The following ZNF282 variants were observed in gnomAD, a reference collection of about 807,000 sequenced individuals.
ZNF282 encodes the protein HTLV-I U5 repressive element-binding protein 1.
Under a neutral mutation model 61.9 loss-of-function variants are expected in ZNF282, and 30 were observed. The ratio of observed to expected loss-of-function variants is 0.48; its 90% CI spans 0.36 to 0.66. The LOEUF (loss-of-function observed/expected upper bound fraction) is 0.66. Ranked by LOEUF, ZNF282 falls within the 30% of genes least tolerant of loss-of-function variation. The pLI is 0.00. For synonymous variants in ZNF282, 396 were observed against 405.0 expected, an observed-to-expected ratio of 0.98 and a Z score of 0.27; for missense variants, 788 against 941.4, an observed-to-expected ratio of 0.84 and a Z score of 2.13.
chr7:149,218,910 G>C (rs1796197548), intron 7 of ZNF282, among the ~76,000 whole-genome samples: 1 of 152,186 alleles, frequency 6.6e-6, no homozygotes, highest in Non-Finnish European at 1.5e-5. Context: ...TCCTAAGCCT[G>C]AAATTTCCAT....
At chr7:149,210,109 C>T (rs1123992) in intron 4 of ZNF282, among the ~76,000 whole-genome samples, 4 of 151,838 alleles carry the variant, frequency 2.6e-5, no homozygotes, top group Non-Finnish European at 4.4e-5. Flanking sequence ...TGCCCATCCC[C>T]GCTTCTCACA....
At position 149,206,464 on chromosome 7, in the gene ZNF282, G is replaced by A. The variant is rs150426376; in HGVS notation, c.586-232G>A. 1.0e-3 allele frequency among the ~76,000 whole-genome samples: 152 copies of A among 152,330 alleles called. 1 individual carries two copies. Among genetic ancestry groups the A allele is most frequent in the African/African-American group, 3.5e-3 (144 of 41,570 alleles). On this transcript the variant is annotated intron_variant, in intron 2 of 7. Transcript: ENST00000610704. Reference sequence around the variant, plus strand: ...ACCTAAAAGTGAAATAACAATGGATGTGGCTAAATGCTTTTTCTAAAAAGG... The same window carrying A: ...ACCTAAAAGTGAAATAACAATGGATATGGCTAAATGCTTTTTCTAAAAAGG...
In ZNF282 at chr7:149,224,093, G is replaced by A; in HGVS notation, c.1462G>A (p.Ala488Thr). Residue 488 changes from alanine (A) to threonine (T), a missense_variant, in exon 8 of 8, where the codon GCG (alanine) becomes ACG (threonine). By Grantham distance (58) the Ala-to-Thr change is moderately conservative. This residue lies in a region of ZNF282 where 559 missense variants were observed against 642.0 expected (regional missense o/e 0.87). Transcript: ENST00000610704. ...DGGGGGGGAE[A>T]GTGAGGGCGS... ...GGGCGGTGGGGGCGGCGGCGCGGAG[G>A]CGGGGACGGGGGCAGGCGGCGGCTG... 1 of 1,350,556 alleles carries A rather than the reference G, an allele frequency of 7.4e-7. No individual in the cohort carries two copies. Among genetic ancestry groups the A allele is most frequent in the East Asian group, 3.0e-5 (1 of 33,566 alleles). The allele number at this position is 1,350,556 out of a possible 1,614,324, so 83.7% of individuals were successfully genotyped here. A position where few individuals can be genotyped will look rare whatever the true frequency, so the allele number is the denominator to read the frequency against.
Position 149,212,440 on chromosome 7 carries a change from A to C in ZNF282, c.1035A>C (p.Ala345=). 1 of 1,613,086 alleles carries C rather than the reference A, an allele frequency of 6.2e-7. No homozygotes were observed. Residue 345 remains alanine (A), a synonymous_variant, in exon 6 of 8, where the codon GCA becomes GCC. Transcript: ENST00000610704. ...GCGTGTGGGATCAGCAGGATTTGGC[A>C]GACAGAGATATTCCCACGGATCCCA... ...HQCVWDQQDL[A]DRDIPTDPNS...
At position 149,200,876 on chromosome 7, in the gene ZNF282, C is replaced by T. The variant is rs181198150; in HGVS notation, c.585+2124C>T. ...CCTCCCAAAGTGCTGAGGTTACAGGCGTGAGCCACCACGCCCAGCTAGTCT... is the reference window on the plus strand; with the variant it reads ...CCTCCCAAAGTGCTGAGGTTACAGGTGTGAGCCACCACGCCCAGCTAGTCT... On this transcript the variant is annotated intron_variant, in intron 2 of 7. Transcript: ENST00000610704. Among the ~76,000 whole-genome samples the T allele has an allele frequency of 8.3e-3, 1,267 of 152,266 alleles. 11 individuals carry two copies. The highest frequency in any genetic ancestry group is 0.011 in the African/African-American group (463 of 41,556).
At chr7:149,221,643 A>G (rs983694668) in intron 7 of ZNF282, among the ~76,000 whole-genome samples, 1 of 151,848 alleles carries the variant, frequency 6.6e-6, no homozygotes, top group African/African-American at 2.4e-5. Flanking sequence ...AGCTGGGATG[A>G]CCCTTCCCAG....
intron 2 of ZNF282, among the ~76,000 whole-genome samples, chr7:149,200,383 C>T (rs932685531): frequency 3.9e-5 from 6 of 152,274 alleles, no homozygotes; most frequent in South Asian, 4.1e-4. Flanking sequence ...CCACTCTCTC[C>T]GTGAAACCCC....
intron 7 of ZNF282, 152 bp downstream of exon 7, chr7:149,213,966 C>T: frequency 1.7e-6 from 1 of 597,618 alleles, no homozygotes; most frequent in Non-Finnish European, 3.0e-6. Flanking sequence ...AAAGCACTCC[C>T]ATTCTTTTTG....
At chr7:149,205,969 G>A (rs1427983856) in intron 2 of ZNF282, among the ~76,000 whole-genome samples, 1 of 152,164 alleles carries the variant, frequency 6.6e-6, no homozygotes, top group African/African-American at 2.4e-5. Context: ...AACGATTTTG[G>A]ACAATTCGGT....
intron 4 of ZNF282, among the ~76,000 whole-genome samples, chr7:149,208,149 G>A (rs1394400472): frequency 6.6e-6 from 1 of 152,182 alleles, no homozygotes; most frequent in East Asian, 1.9e-4. Flanking sequence ...CCTCATTGGA[G>A]GAACTTTTGC....
Position 149,225,121 on chromosome 7 carries a change from T to C in ZNF282, c.*474T>C, listed in dbSNP as rs544450360. On this transcript the variant is annotated 3_prime_UTR_variant, in exon 8 of 8. Coordinates refer to ENST00000610704, the MANE Select transcript of ZNF282 (RefSeq NM_003575.4). The stretch of plus-strand genomic sequence containing the variant: ...CAATAGCGCTTTATACTTTTTTAAG[T>C]GTTTTCTATCCGTTATCCATTTCAC... The C allele has an allele frequency of 6.0e-6, 1 of 166,136 alleles. No homozygotes were observed. The highest frequency in any genetic ancestry group is 1.7e-4 in the South Asian group (1 of 5,816). The allele number at this position is 166,136 out of a possible 1,614,324, so 10.3% of individuals were successfully genotyped here. A position where few individuals can be genotyped will look rare whatever the true frequency, so the allele number is the denominator to read the frequency against.
chr7:149,224,639 C>T lies in ZNF282; in HGVS notation c.2008C>T (p.Arg670Ter). ...ACGGCAGCTCCCGCCGCCTCCTGAGCGAGACTAGGGCTGGGCTGGGGGAGG... is the reference window on the plus strand; with the variant it reads ...ACGGCAGCTCCCGCCGCCTCCTGAGTGAGACTAGGGCTGGGCTGGGGGAGG... ...APRQLPPPPERD is the reference protein window; with the variant it reads ...APRQLPPPPE Residue 670 changes from arginine (R) to a stop codon, truncating the protein, a stop_gained, in exon 8 of 8, where the codon CGA (arginine) becomes TGA (stop). Coordinates refer to ENST00000610704, the MANE Select transcript of ZNF282 (RefSeq NM_003575.4). LOFTEE classifies it high-confidence loss of function. The T allele has an allele frequency of 6.6e-7, 1 of 1,522,438 alleles. No homozygotes were observed. The highest frequency in any genetic ancestry group is 1.2e-5 in the South Asian group (1 of 81,580). 94.3% of individuals were successfully genotyped at this position (1,522,438 alleles called of 1,614,324 possible).
chr7:149,196,048 CTGGCAGAGCTCTGACCCTG>C (rs1795811520), intron 1 of ZNF282, among the ~76,000 whole-genome samples: 4 of 151,908 alleles, frequency 2.6e-5, no homozygotes, highest in Admixed American at 2.6e-4. Context: ...TTTCCGGGAC[CTGGCAGAGCTCTGACCCTG>C]TGGCTGAGCC....
chr7:149,207,352 C>T lies in ZNF282; in HGVS notation c.714C>T (p.Asp238=), dbSNP rs146550692. The part of the protein sequence containing the change: ...KENYKTLMSL[D]AEGSVPKPDA... ...TCCCTCCCTCCTCCTCACTTCCAGA[C>T]GCGGAGGGCTCAGTCCCCAAGCCAG... The change falls in exon 4 of 8, where the codon GAC becomes GAT. Residue 238 remains aspartate, a splice_region_variant and synonymous_variant. Coordinates refer to ENST00000610704, the MANE Select transcript of ZNF282 (RefSeq NM_003575.4). 1.4e-4 allele frequency: 219 copies of T among 1,587,566 alleles called. 1 individual carries two copies. In the South Asian group the frequency reaches 2.1e-3, roughly 16 times the overall value.
chr7:149,199,113 A>G (rs1795869251), intron 2 of ZNF282, among the ~76,000 whole-genome samples: 1 of 152,136 alleles, frequency 6.6e-6, no homozygotes, highest in Non-Finnish European at 1.5e-5. Context: ...GTATATGCTC[A>G]CCGGAATGTG....
chr7:149,206,969 A>T, intron 3 of ZNF282, 147 bp downstream of exon 3: 4 of 1,171,852 alleles, frequency 3.4e-6, no homozygotes, highest in Non-Finnish European at 4.7e-6. Flanking sequence ...TAATGCTAGT[A>T]GGATAGAACA....
rs144666970 is a variant in ZNF282, at chr7:149,216,813, A to T, written c.1180+2999A>T. Among the ~76,000 whole-genome samples the T allele has an allele frequency of 5.9e-5, 9 of 152,264 alleles. No individual in the cohort carries two copies. In the East Asian group the frequency reaches 1.7e-3, roughly 29 times the overall value. On this transcript the variant is annotated intron_variant, in intron 7 of 7. Transcript: ENST00000610704. ...GAGGGAAATAACTGGTATCCGTTTG[A>T]CTCAAAGGCAGACCTCAACCCAATT...
intron 7 of ZNF282, among the ~76,000 whole-genome samples, chr7:149,222,422 G>A (rs1796270099): frequency 6.6e-6 from 1 of 152,120 alleles, no homozygotes; most frequent in Non-Finnish European, 1.5e-5. Flanking sequence ...TTCCATTCCT[G>A]TGGGCCTCTA....
chr7:149,213,589 CAAAACA>C (rs1184226349), intron 6 of ZNF282, 106 bp from the exon 7 acceptor site: 3 of 732,698 alleles, frequency 4.1e-6, no homozygotes, highest in Non-Finnish European at 7.1e-6. Context: ...ACACCGATAC[CAAAACA>C]TGCCCTGCAG....
Sources: allele counts gnomAD v4.1 joint callset (sites outside exome capture counted in the v4.1 genomes callset), GRCh38; gene constraint gnomAD v4.1.1; regional missense constraint gnomAD v4.1.1; transcripts MANE v1.5; gene names NCBI Gene and HGNC (gene_info 2026-07-23, HGNC 2026-07-21).